Variants in SS18L1 observed in about 807,000 individuals in gnomAD.
SS18L1 encodes the protein calcium-responsive transactivator.
Under a neutral mutation model 70.3 loss-of-function variants are expected in SS18L1, and 32 were observed. That is an observed-to-expected ratio of 0.46 (90% CI 0.34 to 0.61). SS18L1 has a LOEUF of 0.61. Ranked by LOEUF, SS18L1 falls within the 20% of genes least tolerant of loss-of-function variation. The pLI, the probability that SS18L1 is intolerant of heterozygous loss-of-function variation, is 0.01. For synonymous variants in SS18L1, 237 were observed against 229.7 expected, an observed-to-expected ratio of 1.03 and a Z score of -0.29; for missense variants, 430 against 542.1, an observed-to-expected ratio of 0.79 and a Z score of 2.05.
intron 10 of SS18L1, among the ~76,000 whole-genome samples, chr20:62,177,203 T>C (rs1221541132): frequency 1.3e-5 from 2 of 151,650 alleles, no homozygotes; most frequent in Non-Finnish European, 2.9e-5. Context: ...CGGGAGCAGA[T>C]AGAGACGGAG....
intron 7 of SS18L1, among the ~76,000 whole-genome samples, chr20:62,164,516 C>T (rs542605348): frequency 1.8e-4 from 28 of 152,254 alleles, no homozygotes; most frequent in Non-Finnish European, 3.4e-4. Flanking sequence ...CCTCTACTTC[C>T]TGAAAGGCTG....
At chr20:62,171,268 C>T (rs1031765760) in intron 8 of SS18L1, among the ~76,000 whole-genome samples, 1 of 152,092 alleles carries the variant, frequency 6.6e-6, no homozygotes, top group African/African-American at 2.4e-5. Context: ...TGCAGGCTGA[C>T]CCCCAAAAGC....
chr20:62,151,702 G>A lies in SS18L1; in HGVS notation c.70-6970G>A, dbSNP rs1011292160. On this transcript the variant is annotated intron_variant, in intron 1 of 10. Transcript: ENST00000331758. The stretch of plus-strand genomic sequence containing the variant: ...CATTGGGTAATGGATGCACCCAGCC[G>A]CGTTGGGATCTTGGTCCAGCCAGTC... Among the ~76,000 whole-genome samples, 3 of 152,200 alleles carry A rather than the reference G, an allele frequency of 2.0e-5. 1 individual carries two copies. Among genetic ancestry groups the A allele is most frequent in the Admixed American group, 1.3e-4 (2 of 15,288 alleles).
chr20:62,155,440 C>T (rs566701599), intron 1 of SS18L1, among the ~76,000 whole-genome samples: 16 of 152,282 alleles, frequency 1.1e-4, no homozygotes, highest in Admixed American at 7.8e-4. Context: ...AAAAAGTCTC[C>T]GTCTTGCATA....
In SS18L1 at chr20:62,158,741, T is replaced by G; in HGVS notation, c.139T>G (p.Cys47Gly). 1 of 1,612,916 alleles carries G rather than the reference T, an allele frequency of 6.2e-7. No individual in the cohort carries two copies. Among genetic ancestry groups the G allele is most frequent in the Non-Finnish European group, 8.5e-7 (1 of 1,180,018 alleles). ...EYQSKGKTAE[C>G]TQYQQILHRN... ...CCAGAGCAAGGGCAAGACGGCCGAG[T>G]GCACGCAGTGAGTGCCCGCCATACA... Residue 47 changes from cysteine to glycine, a missense_variant, in exon 2 of 11, where the codon TGC (cysteine) becomes GGC (glycine). Physicochemically the swap from Cys to Gly is radical, Grantham distance 159 (BLOSUM62 -3). Coordinates refer to ENST00000331758, the MANE Select transcript of SS18L1 (RefSeq NM_198935.3). The surrounding 1 kb of genome is among the most constrained non-coding windows in gnomAD (Gnocchi z 4.5).
At chr20:62,178,806 G>A (rs534137731) in intron 10 of SS18L1, among the ~76,000 whole-genome samples, 61 of 152,266 alleles carry the variant, frequency 4.0e-4, no homozygotes, top group Non-Finnish European at 7.5e-4. Flanking sequence ...CACCCTGGTC[G>A]TCCCCGCTCC....
At chr20:62,170,748 C>T (rs1209302803) in intron 8 of SS18L1, among the ~76,000 whole-genome samples, 2 of 152,240 alleles carry the variant, frequency 1.3e-5, no homozygotes, top group African/African-American at 2.4e-5. Flanking sequence ...CCCACTAGAT[C>T]GCCTGAGCAC....
chr20:62,155,229 T>C (rs981357845), intron 1 of SS18L1, among the ~76,000 whole-genome samples: 3 of 152,064 alleles, frequency 2.0e-5, no homozygotes, highest in African/African-American at 7.2e-5. Flanking sequence ...AGGGAGACCC[T>C]GTCTCTACCA....
At position 62,161,817 on chromosome 20, in the gene SS18L1, T is replaced by G. The variant is rs1796292309; in HGVS notation, c.376+237T>G. On this transcript the variant is annotated intron_variant, in intron 4 of 10. Transcript: ENST00000331758. This position sits in a 1 kb window ranked among gnomAD's most constrained non-coding sequence, Gnocchi z 4.4. ...TCCACTCTCTCTGACACTGTCACGTTCCATCAAATTCAAATGCAAGTTGCG... is the reference window on the plus strand; with the variant it reads ...TCCACTCTCTCTGACACTGTCACGTGCCATCAAATTCAAATGCAAGTTGCG... 6.6e-6 allele frequency among the ~76,000 whole-genome samples: 1 copy of G among 152,242 alleles called. No homozygotes were observed. The highest frequency in any genetic ancestry group is 1.5e-5 in the Non-Finnish European group (1 of 68,044).
chr20:62,167,979 CTTTTTTTT>C (rs575045754), intron 8 of SS18L1, among the ~76,000 whole-genome samples: 8 of 105,006 alleles, frequency 7.6e-5, no homozygotes, highest in African/African-American at 2.2e-4. Context: ...CCAGGCCTGG[CTTTTTTTT>C]TTTTTTTTTT....
rs1204008711 is a variant in SS18L1 at position 62,181,909 on chromosome 20, C to G, written c.*2701C>G. On this transcript the variant is annotated 3_prime_UTR_variant, in exon 11 of 11. Transcript: ENST00000331758. ...GAAGACATGAAAATTGACGCTCATT[C>G]TTCTTCCTATTGTTCCCTGACATCC... The G allele has an allele frequency of 8.8e-6, 2 of 228,512 alleles. No homozygotes were observed. The highest frequency in any genetic ancestry group is 6.3e-5 in the East Asian group (1 of 15,958). 14.2% of individuals were successfully genotyped at this position (228,512 alleles called of 1,614,324 possible).
At chr20:62,175,518 CGGT>C in intron 10 of SS18L1, 1 of 903,366 alleles carries the variant, frequency 1.1e-6, no homozygotes, top group Non-Finnish European at 1.3e-6. Context: ...GAAGGAGGCT[CGGT>C]GGCTGGAGCA....
rs143976747 is a variant in SS18L1 at position 62,165,594 on chromosome 20, C to T, written c.916+80C>T. On this transcript the variant is annotated intron_variant, in intron 8 of 10. Transcript: ENST00000331758. ...TTAAGACGCTGCACCCTTAGGAGCACGCGGTGCCTGCCTTCAGTGAGTCCC... is the reference window on the plus strand; with the variant it reads ...TTAAGACGCTGCACCCTTAGGAGCATGCGGTGCCTGCCTTCAGTGAGTCCC... 1.8e-3 allele frequency: 2,464 copies of T among 1,344,786 alleles called. 35 individuals are homozygous for T. The Admixed American group carries it at 0.032, about 17-fold the overall frequency. The allele number at this position is 1,344,786 out of a possible 1,614,324, so 83.3% of individuals were successfully genotyped here. A position where few individuals can be genotyped will look rare whatever the true frequency, so the allele number is the denominator to read the frequency against.
At chr20:62,147,280 C>T (rs2057048100) in intron 1 of SS18L1, among the ~76,000 whole-genome samples, 1 of 152,168 alleles carries the variant, frequency 6.6e-6, no homozygotes, top group Non-Finnish European at 1.5e-5. Context: ...CAGAACTGCT[C>T]TGTGGCAAGC....
In SS18L1 at chr20:62,159,854, C is replaced by T; in HGVS notation, c.147-23C>T. 1 of 1,609,994 alleles carries T rather than the reference C, an allele frequency of 6.2e-7. No homozygotes were observed. Reference sequence around the variant, plus strand: ...ACTCTGTGGTCCCGTCGTCCTGCCTCATGCGTGCCCCCTCTCCTGCAGGTA... The same window carrying T: ...ACTCTGTGGTCCCGTCGTCCTGCCTTATGCGTGCCCCCTCTCCTGCAGGTA... On this transcript the variant is annotated intron_variant, in intron 2 of 10. Transcript: ENST00000331758. This position sits in a 1 kb window ranked among gnomAD's most constrained non-coding sequence, Gnocchi z 4.4.
chr20:62,163,707 A>C (rs2057375019), intron 6 of SS18L1, 85 bp downstream of exon 6: 2 of 1,432,464 alleles, frequency 1.4e-6, no homozygotes, highest in Non-Finnish European at 9.1e-7. Context: ...CTCTTCGGGG[A>C]GCCTGGGGGA....
chr20:62,179,353 C>A lies in SS18L1; in HGVS notation c.*145C>A. On this transcript the variant is annotated 3_prime_UTR_variant, in exon 11 of 11. Transcript: ENST00000331758. ...GCATGTGAAGCGTGCTCATTTCATG[C>A]TGGGTATGACGCCGAGCGCACACCA... 1.2e-6 allele frequency: 1 copy of A among 867,176 alleles called. No individual in the cohort carries two copies. Among genetic ancestry groups the A allele is most frequent in the South Asian group, 1.5e-5 (1 of 65,404 alleles). The allele number at this position is 867,176 out of a possible 1,614,324, so 53.7% of individuals were successfully genotyped here.
intron 1 of SS18L1, among the ~76,000 whole-genome samples, chr20:62,146,103 A>T (rs1032853918): frequency 6.6e-6 from 1 of 152,108 alleles, no homozygotes; most frequent in African/African-American, 2.4e-5. Context: ...TCTGCTTGGT[A>T]GTGAAGGAGA....
chr20:62,182,241 T>A lies in SS18L1; in HGVS notation c.*3033T>A. 1 of 217,602 alleles carries A rather than the reference T, an allele frequency of 4.6e-6. No individual in the cohort carries two copies. The highest frequency in any genetic ancestry group is 9.2e-6 in the Non-Finnish European group (1 of 108,338). 13.5% of individuals were successfully genotyped at this position (217,602 alleles called of 1,614,324 possible). A position where few individuals can be genotyped will look rare whatever the true frequency, so the allele number is the denominator to read the frequency against. On this transcript the variant is annotated 3_prime_UTR_variant, in exon 11 of 11. Coordinates refer to ENST00000331758, the MANE Select transcript of SS18L1 (RefSeq NM_198935.3). ...GATTTTGTCAGGGTTTTTCTACGTG[T>A]AGGCGTGAATAGGGGGCACCCCTTC...
Sources: gnomAD v4.1 joint callset for allele counts (sites outside exome capture counted in the v4.1 genomes callset) on GRCh38, gnomAD v4.1.1 for gene constraint, Gnocchi (gnomAD v3.1) non-coding constraint, MANE v1.5 for transcripts, NCBI Gene and HGNC (gene_info 2026-07-23, HGNC 2026-07-21) for gene names.